RBM20: variants seen among roughly 807,000 people sequenced by gnomAD.
The protein encoded by RBM20 is RNA-binding protein 20.
RBM20 carries 51 observed loss-of-function variants against 110.1 expected under a neutral mutation model. The ratio of observed to expected loss-of-function variants is 0.46; its 90% CI spans 0.37 to 0.59. The LOEUF (loss-of-function observed/expected upper bound fraction) is 0.59. Ranked by LOEUF, RBM20 falls within the 20% of genes least tolerant of loss-of-function variation. The pLI is 0.00. For missense variants in RBM20, 1,512 were observed against 1,574.9 expected (o/e 0.96, Z 0.68); for synonymous variants, 589 against 618.2 (o/e 0.95, Z 0.70).
At chr10:110,763,140 G>A (rs534768472) in intron 1 of RBM20, among the ~76,000 whole-genome samples, 1 of 152,318 alleles carries the variant, frequency 6.6e-6, no homozygotes, top group African/African-American at 2.4e-5. Context: ...GGGGCAGGTG[G>A]CCCATGGAAG....
intron 12 of RBM20, among the ~76,000 whole-genome samples, chr10:110,828,073 G>A (rs899458520): frequency 6.6e-6 from 1 of 152,218 alleles, no homozygotes; most frequent in Non-Finnish European, 1.5e-5. Context: ...CTTGCTCTCA[G>A]TAGAAACAAA....
At chr10:110,668,569 CA>C (rs1862213964) in intron 1 of RBM20, among the ~76,000 whole-genome samples, 1 of 151,274 alleles carries the variant, frequency 6.6e-6, no homozygotes, top group Non-Finnish European at 1.5e-5. Flanking sequence ...CCCAACATAC[CA>C]AGGGAGACTT....
intron 1 of RBM20, among the ~76,000 whole-genome samples, chr10:110,765,252 A>G (rs560449119): frequency 6.6e-6 from 1 of 152,200 alleles, no homozygotes; most frequent in East Asian, 1.9e-4. Context: ...CTTAAGGGTG[A>G]GGTGCTTTGT....
chr10:110,800,973 T>C (rs1000264172), intron 7 of RBM20, among the ~76,000 whole-genome samples: 1 of 152,194 alleles, frequency 6.6e-6, no homozygotes, highest in Non-Finnish European at 1.5e-5. Context: ...TTCTCAAACA[T>C]GTCATCCTGG....
chr10:110,704,729 A>G (rs1813654968), intron 1 of RBM20, among the ~76,000 whole-genome samples: 1 of 152,232 alleles, frequency 6.6e-6, no homozygotes, highest in African/African-American at 2.4e-5. Context: ...AAGAAGAGCC[A>G]TTAGACTGTG....
chr10:110,703,025 A>G (rs1398222261), intron 1 of RBM20, among the ~76,000 whole-genome samples: 2 of 143,780 alleles, frequency 1.4e-5, no homozygotes, highest in Admixed American at 7.1e-5. Flanking sequence ...GGTTGGCTTA[A>G]TACCTTTCTA....
intron 1 of RBM20, among the ~76,000 whole-genome samples, chr10:110,726,944 T>G (rs2134942618): frequency 6.6e-6 from 1 of 152,232 alleles, no homozygotes; most frequent in Non-Finnish European, 1.5e-5. Context: ...GCTCATGGGT[T>G]CAAGCAATTC....
chr10:110,698,108 C>T (rs1021116161), intron 1 of RBM20, among the ~76,000 whole-genome samples: 1 of 152,134 alleles, frequency 6.6e-6, no homozygotes, highest in African/African-American at 2.4e-5. Flanking sequence ...CGGGGTTTTA[C>T]TGTGTTAGCC....
chr10:110,827,863 C>A (rs1030523306), intron 12 of RBM20: 3 of 152,078 alleles, frequency 2.0e-5, no homozygotes, highest in Admixed American at 2.0e-4. Context: ...AGGTGAGAGA[C>A]AATTTTTTGG....
chr10:110,712,722 G>A (rs1016516307), intron 1 of RBM20, among the ~76,000 whole-genome samples: 22 of 152,116 alleles, frequency 1.4e-4, no homozygotes, highest in Admixed American at 2.6e-4. Context: ...AGCTGAGATC[G>A]CACCACTGCA....
chr10:110,703,310 G>A (rs778130545), intron 1 of RBM20, among the ~76,000 whole-genome samples: 34 of 151,528 alleles, frequency 2.2e-4, no homozygotes, highest in Non-Finnish European at 3.8e-4. Context: ...CCCAGGAGGC[G>A]GAGGTTGCAG....
intron 1 of RBM20, among the ~76,000 whole-genome samples, chr10:110,771,799 A>T (rs1044583746): frequency 6.6e-6 from 1 of 152,156 alleles, no homozygotes; most frequent in Non-Finnish European, 1.5e-5. Flanking sequence ...ATGCCAAGGC[A>T]TCAATGCTTG....
Position 110,644,574 on chromosome 10 carries a change from G to T in RBM20, c.120G>T (p.Gly40=). 5 of 1,526,938 alleles carry T rather than the reference G, an allele frequency of 3.3e-6. No individual in the cohort carries two copies. Among genetic ancestry groups the T allele is most frequent in the Non-Finnish European group, 3.5e-6 (4 of 1,140,566 alleles). 94.6% of individuals were successfully genotyped at this position (1,526,938 alleles called of 1,614,324 possible). The change falls in exon 1 of 14, where the codon GGG becomes GGT. Residue 40 remains glycine (G), a synonymous_variant. Coordinates refer to ENST00000369519, the MANE Select transcript of RBM20 (RefSeq NM_001134363.3). This position sits in a 1 kb window ranked among gnomAD's most constrained non-coding sequence, Gnocchi z 4.3. ...CCCCGGCACCCTCCGGCCCGCGAGG[G>T]ATGCAGCAGCCGCCGCCGCCGCCCC... is the stretch of plus-strand genomic sequence containing the variant. The part of the protein sequence containing the change: ...RASPAPSGPR[G]MQQPPPPPQP...
intron 1 of RBM20, among the ~76,000 whole-genome samples, chr10:110,669,391 C>T (rs1325136894): frequency 6.6e-6 from 1 of 152,134 alleles, no homozygotes; most frequent in Non-Finnish European, 1.5e-5. Context: ...CTGTTAAAAG[C>T]AATAAACTTG....
chr10:110,652,414 G>A (rs1439575914), intron 1 of RBM20, among the ~76,000 whole-genome samples: 1 of 152,010 alleles, frequency 6.6e-6, no homozygotes, highest in Non-Finnish European at 1.5e-5. Flanking sequence ...AATTCAGTGA[G>A]CATGTATTAC....
At chr10:110,667,831 G>A (rs1862200708) in intron 1 of RBM20, among the ~76,000 whole-genome samples, 1 of 152,092 alleles carries the variant, frequency 6.6e-6, no homozygotes, top group South Asian at 2.1e-4. Context: ...TGATTCCTGG[G>A]CCCCTGGTGT....
chr10:110,756,375 G>A (rs1387745148), intron 1 of RBM20: 5 of 152,188 alleles, frequency 3.3e-5, no homozygotes, highest in Admixed American at 2.0e-4. Context: ...CCCTCAGAAC[G>A]CTTCTAGTCT....
chr10:110,644,039 G>A (rs1443946461), upstream of RBM20, among the ~76,000 whole-genome samples: 2 of 152,212 alleles, frequency 1.3e-5, no homozygotes, highest in African/African-American at 4.8e-5. The surrounding 1 kb of genome is among the most constrained non-coding windows in gnomAD (Gnocchi z 4.3). Flanking sequence ...GGCTGCGTGT[G>A]TCGCCTTCCT....
chr10:110,808,009 C>T (rs958189594), intron 7 of RBM20, among the ~76,000 whole-genome samples: 3 of 152,244 alleles, frequency 2.0e-5, no homozygotes, highest in Non-Finnish European at 4.4e-5. Context: ...AGCTCTGCTG[C>T]TCCCCTGGTG....
Sources: allele counts gnomAD v4.1 joint callset (sites outside exome capture counted in the v4.1 genomes callset), GRCh38; gene constraint gnomAD v4.1.1; non-coding constraint Gnocchi (gnomAD v3.1); transcripts MANE v1.5; gene names NCBI Gene and HGNC (gene_info 2026-07-23, HGNC 2026-07-21).